The following SGCZ variants were observed in gnomAD, a reference collection of about 807,000 sequenced individuals.
SGCZ encodes the protein zeta-sarcoglycan.
A neutral mutation model predicts 41.3 loss-of-function variants in SGCZ; 40 were observed. The ratio of observed to expected loss-of-function variants is 0.97; its 90% confidence interval spans 0.75 to 1.26. The LOEUF is 1.26. Ranked by LOEUF, SGCZ falls within the 50% of genes most tolerant of loss-of-function variation. The pLI, the probability that SGCZ is intolerant of heterozygous loss-of-function variation, is 0.00. For missense variants in SGCZ, 552 were observed against 369.8 expected (o/e 1.49, Z -4.04); for synonymous variants, 206 against 137.5 (o/e 1.50, Z -3.49).
Position 14,892,218 on chromosome 8 carries a change from C to G in SGCZ, c.40-337292G>C, listed in dbSNP as rs2130744148. The stretch of plus-strand genomic sequence containing the variant: ...CACTTTACTTTATTAGGCCCAATTA[C>G]CAAACACGCCCTAGGCCTTCAGGTA... On this transcript the variant is annotated intron_variant, in intron 1 of 7. Transcript: ENST00000382080. Among the ~76,000 whole-genome samples, 3 of 152,260 alleles carry G rather than the reference C, an allele frequency of 2.0e-5. No individual in the cohort carries two copies. The East Asian group carries it at 5.8e-4, about 29-fold the overall frequency.
At chr8:15,111,413 AC>A (rs898448990) in intron 1 of SGCZ, among the ~76,000 whole-genome samples, 9 of 152,104 alleles carry the variant, frequency 5.9e-5, no homozygotes, top group African/African-American at 2.2e-4. Context: ...GCACCCATCC[AC>A]TCAGGCCTCT....
At chr8:15,210,498 C>T (rs538102938) in intron 1 of SGCZ, among the ~76,000 whole-genome samples, 10 of 152,134 alleles carry the variant, frequency 6.6e-5, no homozygotes, top group Admixed American at 4.6e-4. Flanking sequence ...TCTGACTTTA[C>T]CCTTTGCCTC....
intron 3 of SGCZ, among the ~76,000 whole-genome samples, chr8:14,281,786 A>G (rs1800450034): frequency 6.6e-6 from 1 of 152,138 alleles, no homozygotes; most frequent in African/African-American, 2.4e-5. Context: ...TGTAATAAAT[A>G]TAAGTACACT....
At chr8:14,503,649 T>C (rs550014415) in intron 2 of SGCZ, among the ~76,000 whole-genome samples, 1 of 152,076 alleles carries the variant, frequency 6.6e-6, no homozygotes, top group East Asian at 1.9e-4. Context: ...GTGCCTGTAG[T>C]CCCAGTTACT....
chr8:14,625,159 T>G (rs1043005506), intron 1 of SGCZ, among the ~76,000 whole-genome samples: 2 of 152,172 alleles, frequency 1.3e-5, no homozygotes, highest in African/African-American at 4.8e-5. Context: ...TTGCTCACTG[T>G]GTTCAGTGTT....
At chr8:14,595,779 C>T (rs9325717) in intron 1 of SGCZ, among the ~76,000 whole-genome samples, 64,767 of 151,982 alleles carry the variant, frequency 0.43, 14,200 homozygotes, top group African/African-American at 0.5. Flanking sequence ...AGGGAAAACA[C>T]GGGTGCTGCC....
At chr8:14,168,074 A>G (rs1444231492) in intron 4 of SGCZ, among the ~76,000 whole-genome samples, 1 of 152,214 alleles carries the variant, frequency 6.6e-6, no homozygotes, top group Non-Finnish European at 1.5e-5. Flanking sequence ...CAAACTTGTC[A>G]TGATCATCCT....
At chr8:14,445,450 G>T (rs1048342819) in intron 2 of SGCZ, among the ~76,000 whole-genome samples, 1 of 152,128 alleles carries the variant, frequency 6.6e-6, no homozygotes, top group African/African-American at 2.4e-5. Flanking sequence ...CTGGACTCTG[G>T]GGAAGAGGGA....
intron 1 of SGCZ, among the ~76,000 whole-genome samples, chr8:14,628,731 T>A (rs1189671000): frequency 6.6e-6 from 1 of 152,128 alleles, no homozygotes. Flanking sequence ...TATCTCCTCA[T>A]AACCTAAAAA....
At chr8:14,395,638 CAA>C (rs1211562629) in intron 2 of SGCZ, among the ~76,000 whole-genome samples, 1 of 152,140 alleles carries the variant, frequency 6.6e-6, no homozygotes, top group Non-Finnish European at 1.5e-5. Flanking sequence ...AGTGACCCCA[CAA>C]AAAGTTACCC....
chr8:14,545,755 A>G (rs867767675), intron 2 of SGCZ, among the ~76,000 whole-genome samples: 1 of 152,294 alleles, frequency 6.6e-6, no homozygotes. Flanking sequence ...TGTACAATAT[A>G]TCAAACCTAT....
At chr8:14,766,876 C>T (rs1800053683) in intron 1 of SGCZ, among the ~76,000 whole-genome samples, 1 of 151,956 alleles carries the variant, frequency 6.6e-6, no homozygotes, top group African/African-American at 2.4e-5. Flanking sequence ...CTGTGCCTGG[C>T]CTGATTTACT....
intron 2 of SGCZ, among the ~76,000 whole-genome samples, chr8:14,506,771 G>A (rs1215625227): frequency 6.6e-6 from 1 of 152,086 alleles, no homozygotes; most frequent in East Asian, 1.9e-4. Context: ...ACCAACGACA[G>A]CACTTGACAT....
intron 2 of SGCZ, among the ~76,000 whole-genome samples, chr8:14,374,198 C>T (rs1804019953): frequency 6.6e-6 from 1 of 151,906 alleles, no homozygotes; most frequent in Admixed American, 6.6e-5. Flanking sequence ...GACAACATGG[C>T]AAAACACTGT....
intron 1 of SGCZ, among the ~76,000 whole-genome samples, chr8:14,705,192 T>G (rs1352141508): frequency 6.6e-6 from 1 of 151,924 alleles, no homozygotes; most frequent in Non-Finnish European, 1.5e-5. Context: ...TTCTAATGAT[T>G]TAGTTGAATA....
chr8:14,767,485 G>A (rs10110420), intron 1 of SGCZ, among the ~76,000 whole-genome samples: 19,175 of 152,066 alleles, frequency 0.13, 1,864 homozygotes, highest in African/African-American at 0.26. Context: ...CATTTTGGGG[G>A]AAGAAAGTTA....
At chr8:14,551,887 C>A (rs1307275753) in intron 2 of SGCZ, among the ~76,000 whole-genome samples, 2 of 150,306 alleles carry the variant, frequency 1.3e-5, no homozygotes, top group Non-Finnish European at 3.0e-5. Context: ...TAATGATGGA[C>A]TTCCACAAAC....
At chr8:14,889,336 T>A (rs183946816) in intron 1 of SGCZ, among the ~76,000 whole-genome samples, 4 of 152,284 alleles carry the variant, frequency 2.6e-5, no homozygotes, top group African/African-American at 4.8e-5. Context: ...TAAAAAGTAC[T>A]TTACTTCAAC....
intron 1 of SGCZ, among the ~76,000 whole-genome samples, chr8:14,649,231 C>T (rs1807320100): frequency 6.6e-6 from 1 of 152,106 alleles, no homozygotes; most frequent in African/African-American, 2.4e-5. Context: ...GCCTCTTCTT[C>T]CTTTCTATTG....
Sources: gnomAD v4.1 joint callset for allele counts (sites outside exome capture counted in the v4.1 genomes callset) on GRCh38, gnomAD v4.1.1 for gene constraint, MANE v1.5 for transcripts, NCBI Gene and HGNC (gene_info 2026-07-23, HGNC 2026-07-21) for gene names.